The following APBB1IP variants were observed in gnomAD, a reference collection of about 807,000 sequenced individuals.
APBB1IP encodes the protein amyloid beta precursor protein binding family B member 1 interacting protein.
Under a neutral mutation model 64.9 loss-of-function variants are expected in APBB1IP, and 27 were observed. That is an observed-to-expected ratio of 0.42 (90% CI 0.31 to 0.57). The LOEUF is 0.57. Ranked by LOEUF, APBB1IP falls within the 20% of genes least tolerant of loss-of-function variation. The pLI, the probability that APBB1IP is intolerant of heterozygous loss-of-function variation, is 0.20. For synonymous variants in APBB1IP, 392 were observed against 331.0 expected, an observed-to-expected ratio of 1.18 and a Z score of -2.00; for missense variants, 812 against 845.5, an observed-to-expected ratio of 0.96 and a Z score of 0.49.
Position 26,567,357 on chromosome 10 carries a change from GCCAAGAGGCCTCCTGTGCCCC to G in APBB1IP, c.1880_1900del (p.Pro627_Arg633del), listed in dbSNP as rs758161273. Reference sequence around the variant, plus strand: ...CTCCGCCAGGCCGCCCCCCGCGGTGGCCAAGAGGCCTCCTGTGCCCCCCAAGAGGCAAGAGAACCCAGGGCA... The same window carrying G: ...CTCCGCCAGGCCGCCCCCCGCGGTGGCCAAGAGGCAAGAGAACCCAGGGCA... On this transcript the variant is annotated inframe_deletion, in exon 15 of 15. Transcript: ENST00000376236. The G allele has an allele frequency of 9.9e-6, 15 of 1,517,108 alleles. No individual in the cohort carries two copies. In the South Asian group the frequency reaches 1.8e-4, roughly 18 times the overall value. 94.0% of individuals were successfully genotyped at this position (1,517,108 alleles called of 1,614,324 possible).
intron 10 of APBB1IP, among the ~76,000 whole-genome samples, chr10:26,537,629 A>C (rs895210878): frequency 6.6e-6 from 1 of 152,180 alleles, no homozygotes; most frequent in Non-Finnish European, 1.5e-5. Flanking sequence ...CTCTGTGATG[A>C]GAATTAAAAG....
chr10:26,496,550 T>C (rs928828644), intron 4 of APBB1IP, among the ~76,000 whole-genome samples, 159 bp downstream of exon 4: 1 of 152,096 alleles, frequency 6.6e-6, no homozygotes, highest in Non-Finnish European at 1.5e-5. Flanking sequence ...TGTGTCTAGA[T>C]TGAATTGAGA....
At chr10:26,471,651 G>A (rs1835716857) in intron 2 of APBB1IP, among the ~76,000 whole-genome samples, 1 of 151,994 alleles carries the variant, frequency 6.6e-6, no homozygotes, top group Non-Finnish European at 1.5e-5. Flanking sequence ...ACAGAGAGAG[G>A]TAAAAGGCAC....
chr10:26,457,296 A>G (rs566013735), intron 2 of APBB1IP, among the ~76,000 whole-genome samples: 1 of 152,180 alleles, frequency 6.6e-6, no homozygotes, highest in Non-Finnish European at 1.5e-5. Context: ...ATTTCTGGTA[A>G]CTATCGCATT....
At chr10:26,492,508 C>G in intron 3 of APBB1IP, 110 bp downstream of exon 3, 1 of 929,724 alleles carries the variant, frequency 1.1e-6, no homozygotes, top group East Asian at 2.5e-5. Flanking sequence ...ATCGGGGGAA[C>G]CAGCCCCCGA....
chr10:26,469,849 A>G (rs1333589966), intron 2 of APBB1IP, among the ~76,000 whole-genome samples: 1 of 152,196 alleles, frequency 6.6e-6, no homozygotes, highest in Non-Finnish European at 1.5e-5. Flanking sequence ...CGTACTTATA[A>G]GTGAGAACAT....
chr10:26,524,113 C>A (rs570321902), intron 8 of APBB1IP, among the ~76,000 whole-genome samples: 1 of 152,060 alleles, frequency 6.6e-6, no homozygotes, highest in Non-Finnish European at 1.5e-5. Context: ...GACCTTCTCC[C>A]ACCCTCCTTT....
chr10:26,471,841 T>G (rs1835720198), intron 2 of APBB1IP, among the ~76,000 whole-genome samples: 1 of 152,110 alleles, frequency 6.6e-6, no homozygotes, highest in South Asian at 2.1e-4. Flanking sequence ...CGTGCCACCA[T>G]GCCTGGCTTA....
intron 3 of APBB1IP, 32 bp from the exon 4 acceptor site, chr10:26,496,268 CATGA>C (rs757132629): frequency 1.1e-4 from 160 of 1,484,304 alleles, no homozygotes; most frequent in Non-Finnish European, 1.5e-4. Context: ...ATGTTTGTAT[CATGA>C]ATAACTTTGA....
chr10:26,471,555 A>G (rs1319838072), intron 2 of APBB1IP, among the ~76,000 whole-genome samples: 1 of 152,216 alleles, frequency 6.6e-6, no homozygotes, highest in African/African-American at 2.4e-5. Flanking sequence ...TTCTTCTGAT[A>G]TAAAGTTTTT....
chr10:26,445,121 AAGAAAGAAAAGAAAG>A (rs1184569744), intron 2 of APBB1IP, among the ~76,000 whole-genome samples: 4 of 78,368 alleles, frequency 5.1e-5, no homozygotes, highest in African/African-American at 2.3e-4. Context: ...AAAAGAAAGA[AAGAAAGAAAAGAAAG>A]AAAGAAAGAA....
chr10:26,510,731 G>GTCTCTCTC (rs147913300), intron 6 of APBB1IP, among the ~76,000 whole-genome samples: 1 of 121,584 alleles, frequency 8.2e-6, no homozygotes, highest in African/African-American at 4.2e-5. Flanking sequence ...GCAAGACCCT[G>GTCTCTCTC]TCTCACACAC....
intron 2 of APBB1IP, among the ~76,000 whole-genome samples, chr10:26,453,034 T>G (rs959334860): frequency 1.3e-5 from 2 of 152,246 alleles, no homozygotes; most frequent in Non-Finnish European, 2.9e-5. Flanking sequence ...TCATTTTAAG[T>G]GCCAGTGGTG....
intron 6 of APBB1IP, among the ~76,000 whole-genome samples, chr10:26,510,129 C>G (rs1396398790): frequency 2.0e-5 from 3 of 152,164 alleles, no homozygotes; most frequent in African/African-American, 7.2e-5. Context: ...GCCACCACGC[C>G]TGGCTAACTT....
intron 3 of APBB1IP, 56 bp downstream of exon 3, chr10:26,492,454 T>C: frequency 1.3e-6 from 2 of 1,528,878 alleles, no homozygotes; most frequent in Non-Finnish European, 1.8e-6. Flanking sequence ...TTGCAGAATT[T>C]CATTGTAATA....
intron 8 of APBB1IP, among the ~76,000 whole-genome samples, chr10:26,527,579 A>G (rs1836491186): frequency 6.6e-6 from 1 of 151,426 alleles, no homozygotes; most frequent in Non-Finnish European, 1.5e-5. Flanking sequence ...CTATCTCAGA[A>G]TCCCACTGGT....
At chr10:26,500,210 C>CA (rs199918930) in intron 4 of APBB1IP, among the ~76,000 whole-genome samples, 23,920 of 85,994 alleles carry the variant, frequency 0.28, 2,202 homozygotes, top group Middle Eastern at 0.43. Context: ...GACTCTGTCT[C>CA]AAAAAAAAAA....
At chr10:26,551,333 G>T (rs184028463) in intron 11 of APBB1IP, among the ~76,000 whole-genome samples, 1 of 152,172 alleles carries the variant, frequency 6.6e-6, no homozygotes, top group Non-Finnish European at 1.5e-5. Flanking sequence ...GTGAGTCCGG[G>T]GGGACTTTCC....
At chr10:26,453,799 A>G (rs1835491441) in intron 2 of APBB1IP, among the ~76,000 whole-genome samples, 1 of 152,214 alleles carries the variant, frequency 6.6e-6, no homozygotes, top group Admixed American at 6.5e-5. Flanking sequence ...ACTATGGAGA[A>G]CAATTTGAGA....
Sources: allele counts gnomAD v4.1 joint callset (sites outside exome capture counted in the v4.1 genomes callset), GRCh38; gene constraint gnomAD v4.1.1; transcripts MANE v1.5; gene names NCBI Gene and HGNC (gene_info 2026-07-23, HGNC 2026-07-21).